The following R3HCC1L variants were observed in gnomAD, a reference collection of about 807,000 sequenced individuals.
R3HCC1L encodes the protein R3H domain and coiled-coil containing 1 like.
Under a neutral mutation model 59.9 loss-of-function variants are expected in R3HCC1L, and 51 were observed. That is an observed-to-expected ratio of 0.85 (90% CI 0.68 to 1.07). R3HCC1L has a LOEUF of 1.07. Ranked by LOEUF, R3HCC1L falls within the 50% of genes least tolerant of loss-of-function variation. The pLI, the probability that R3HCC1L is intolerant of heterozygous loss-of-function variation, is 0.00. For missense variants in R3HCC1L, 965 were observed against 933.0 expected (o/e 1.03, Z -0.45); for synonymous variants, 322 against 315.2 (o/e 1.02, Z -0.23).
intron 5 of R3HCC1L, among the ~76,000 whole-genome samples, chr10:98,216,428 C>T (rs1448201156): frequency 6.6e-6 from 1 of 152,054 alleles, no homozygotes; most frequent in Non-Finnish European, 1.5e-5. Flanking sequence ...GTGGAAGGAT[C>T]GCTTGAGCCC....
intron 1 of R3HCC1L, among the ~76,000 whole-genome samples, chr10:98,143,426 A>C (rs1845367735): frequency 6.6e-6 from 1 of 152,190 alleles, no homozygotes; most frequent in Non-Finnish European, 1.5e-5. Context: ...ACTGGAGTTG[A>C]CAAGCCCCAG....
chr10:98,160,781 C>T (rs1291478476), intron 2 of R3HCC1L, among the ~76,000 whole-genome samples: 1 of 152,188 alleles, frequency 6.6e-6, no homozygotes, highest in African/African-American at 2.4e-5. Context: ...TTCCTTCTGT[C>T]CTTCACACTC....
intron 2 of R3HCC1L, among the ~76,000 whole-genome samples, chr10:98,158,563 CTAAA>C (rs1490540363): frequency 6.6e-6 from 1 of 152,060 alleles, no homozygotes; most frequent in Non-Finnish European, 1.5e-5. Flanking sequence ...CCTTTTATAC[CTAAA>C]TAGTTAAGTG....
At chr10:98,146,538 C>G (rs906058275) in intron 1 of R3HCC1L, among the ~76,000 whole-genome samples, 2 of 152,184 alleles carry the variant, frequency 1.3e-5, no homozygotes, top group African/African-American at 4.8e-5. Flanking sequence ...TTTTCAGATC[C>G]CATGTATAAG....
intron 1 of R3HCC1L, among the ~76,000 whole-genome samples, chr10:98,136,932 T>C (rs1032912406): frequency 1.3e-5 from 2 of 152,316 alleles, no homozygotes; most frequent in Admixed American, 6.5e-5. Context: ...TTTTTGGGGC[T>C]GGGCGCGGTG....
intron 1 of R3HCC1L, among the ~76,000 whole-genome samples, chr10:98,135,535 C>T (rs1441863702): frequency 6.6e-6 from 1 of 152,164 alleles, no homozygotes; most frequent in Non-Finnish European, 1.5e-5. Flanking sequence ...CAGTCTAGGT[C>T]AGTTGAGTTT....
intron 2 of R3HCC1L, among the ~76,000 whole-genome samples, chr10:98,158,063 A>G (rs999775214): frequency 2.6e-5 from 4 of 152,224 alleles, no homozygotes; most frequent in East Asian, 1.9e-4. Flanking sequence ...TTACGTCTGT[A>G]TTGTAAGAAA....
chr10:98,208,699 G>A lies in R3HCC1L; in HGVS notation c.585G>A (p.Gly195=). 6.2e-7 allele frequency: 1 copy of A among 1,614,080 alleles called. No homozygotes were observed. Among genetic ancestry groups the A allele is most frequent in the Non-Finnish European group, 8.5e-7 (1 of 1,180,002 alleles). Residue 195 remains glycine (G), a synonymous_variant, in exon 5 of 10, where the codon GGG becomes GGA. Coordinates refer to ENST00000298999, the MANE Select transcript of R3HCC1L (RefSeq NM_001351015.2). ...ACTTCAGTAGGCATGAACCTGATGG[G>A]GAAGCATTTGAAGACAAAGATTTGG... The part of the protein sequence containing the change: ...FCDFSRHEPD[G]EAFEDKDLEG...
intron 4 of R3HCC1L, among the ~76,000 whole-genome samples, chr10:98,183,756 T>C (rs990675859): frequency 6.6e-6 from 1 of 152,160 alleles, no homozygotes; most frequent in Non-Finnish European, 1.5e-5. Flanking sequence ...TCTGTTACTA[T>C]ATTTTTATTT....
chr10:98,241,016 A>G (rs929401442), intron 9 of R3HCC1L, among the ~76,000 whole-genome samples: 1 of 151,900 alleles, frequency 6.6e-6, no homozygotes, highest in South Asian at 2.1e-4. Context: ...TAATTATTCT[A>G]CTCTCTAGAG....
At chr10:98,142,866 C>T (rs1028830647) in intron 1 of R3HCC1L, among the ~76,000 whole-genome samples, 1 of 151,632 alleles carries the variant, frequency 6.6e-6, no homozygotes, top group African/African-American at 2.4e-5. Context: ...ACCTGGGAGG[C>T]AGAGATTATA....
intron 4 of R3HCC1L, among the ~76,000 whole-genome samples, chr10:98,184,479 A>G (rs1185208180): frequency 1.3e-5 from 2 of 152,190 alleles, no homozygotes; most frequent in East Asian, 3.8e-4. Context: ...AAGACCAATA[A>G]TATACCATAC....
chr10:98,201,711 G>A (rs1852064449), intron 4 of R3HCC1L, among the ~76,000 whole-genome samples: 1 of 152,150 alleles, frequency 6.6e-6, no homozygotes, highest in East Asian at 1.9e-4. Context: ...GTTATGCTAT[G>A]TCTGGTAAAG....
intron 1 of R3HCC1L, among the ~76,000 whole-genome samples, chr10:98,139,664 A>G (rs1260974269): frequency 1.3e-5 from 2 of 152,184 alleles, no homozygotes; most frequent in Admixed American, 6.5e-5. Context: ...GAAAAGTTAT[A>G]GGGTGTTACT....
Position 98,209,912 on chromosome 10 carries a change from G to GAAATT in R3HCC1L, c.1785+14_1785+18dup. 1.3e-6 allele frequency: 2 copies of GAAATT among 1,580,166 alleles called. No homozygotes were observed. Among genetic ancestry groups the GAAATT allele is most frequent in the South Asian group, 2.3e-5 (2 of 88,324 alleles). ...TCTTCTACAAGAGGTATGTTTAATT[G>GAAATT]AAATTGCTTGATGCTTAGTTAGTTT... On this transcript the variant is annotated intron_variant, in intron 5 of 9. Transcript: ENST00000298999.
intron 5 of R3HCC1L, among the ~76,000 whole-genome samples, chr10:98,219,967 G>C (rs1196740007): frequency 6.6e-6 from 1 of 152,048 alleles, no homozygotes; most frequent in Non-Finnish European, 1.5e-5. Flanking sequence ...TCATTAAATA[G>C]GTTTTTTGTG....
intron 4 of R3HCC1L, among the ~76,000 whole-genome samples, chr10:98,192,936 C>A (rs1354967145): frequency 2.0e-5 from 3 of 152,010 alleles, no homozygotes; most frequent in Admixed American, 6.6e-5. Context: ...ACACCATGAC[C>A]AAGTGGAATT....
intron 4 of R3HCC1L, among the ~76,000 whole-genome samples, chr10:98,172,348 G>A (rs1378683574): frequency 6.6e-6 from 1 of 152,160 alleles, no homozygotes; most frequent in Non-Finnish European, 1.5e-5. Context: ...GGAATTCATT[G>A]GGTTAGCAGC....
chr10:98,230,141 G>A (rs1327791077), intron 5 of R3HCC1L, among the ~76,000 whole-genome samples: 2 of 152,174 alleles, frequency 1.3e-5, no homozygotes, highest in Non-Finnish European at 2.9e-5. Context: ...GATTGGAATA[G>A]TTTCAGAAGG....
Sources: gnomAD v4.1 joint callset for allele counts (sites outside exome capture counted in the v4.1 genomes callset) on GRCh38, gnomAD v4.1.1 for gene constraint, MANE v1.5 for transcripts, NCBI Gene and HGNC (gene_info 2026-07-23, HGNC 2026-07-21) for gene names.